WDHD1: variants seen among roughly 807,000 people sequenced by gnomAD.
WDHD1 encodes WD repeat and HMG-box DNA-binding protein 1.
Under a neutral mutation model 135.4 loss-of-function variants are expected in WDHD1, and 111 were observed. That is an observed-to-expected ratio of 0.82 (90% CI 0.70 to 0.96). The LOEUF is 0.96. WDHD1 is among the 40% of genes least tolerant of loss of function. The probability of loss-of-function intolerance (pLI) is 0.00; values close to 1 mark genes in which losing one functional copy is unlikely to be tolerated. For synonymous variants in WDHD1, 434 were observed against 439.0 expected, an observed-to-expected ratio of 0.99 and a Z score of 0.14; for missense variants, 1,351 against 1,336.3, an observed-to-expected ratio of 1.01 and a Z score of -0.17.
intron 16 of WDHD1, among the ~76,000 whole-genome samples, chr14:54,976,526 G>T (rs1279128534): frequency 6.6e-6 from 1 of 152,144 alleles, no homozygotes; most frequent in African/African-American, 2.4e-5. Flanking sequence ...GCCAAAATAG[G>T]TAAGGCTCTT....
chr14:54,982,472 A>C (rs1199449403), intron 15 of WDHD1, among the ~76,000 whole-genome samples: 1 of 152,126 alleles, frequency 6.6e-6, no homozygotes, highest in Admixed American at 6.5e-5. Flanking sequence ...TGGCCTTGTC[A>C]CTACTCTGTC....
Position 54,990,146 on chromosome 14 carries a change from A to G in WDHD1, c.1342-934T>C, listed in dbSNP as rs573579519. Reference sequence around the variant, plus strand: ...TATGACTTGATGACTACTGATAGCAATAAAAAGTTTTATTAATATTAATCA... The same window carrying G: ...TATGACTTGATGACTACTGATAGCAGTAAAAAGTTTTATTAATATTAATCA... On this transcript the variant is annotated intron_variant, in intron 12 of 25. Coordinates refer to ENST00000360586, the MANE Select transcript of WDHD1 (RefSeq NM_007086.4). Among the ~76,000 whole-genome samples the G allele has an allele frequency of 3.3e-4, 50 of 152,328 alleles. 1 individual carries two copies. Among genetic ancestry groups the G allele is most frequent in the Non-Finnish European group, 5.1e-4 (35 of 68,030 alleles).
At position 54,962,872 on chromosome 14, in the gene WDHD1, A is replaced by G. The variant is rs770144968; in HGVS notation, c.2532-19T>C. 1 of 1,611,176 alleles carries G rather than the reference A, an allele frequency of 6.2e-7. No homozygotes were observed. Among genetic ancestry groups the G allele is most frequent in the Non-Finnish European group, 8.5e-7 (1 of 1,179,528 alleles). ...GCTGTAACTAAGAGAAAATAATATT[A>G]TTCAATAAAGAGCTATGCAAAGACC... is the stretch of plus-strand genomic sequence containing the variant. On this transcript the variant is annotated intron_variant, in intron 19 of 25. Transcript: ENST00000360586.
At chr14:54,953,460 T>C (rs147297724) in intron 24 of WDHD1, among the ~76,000 whole-genome samples, 5,693 of 152,132 alleles carry the variant, frequency 0.037, 363 homozygotes, top group African/African-American at 0.13. Flanking sequence ...ATCATTAAAA[T>C]GTCAGGAAAC....
chr14:55,021,272 T>C (rs2042342731), intron 2 of WDHD1, among the ~76,000 whole-genome samples: 1 of 152,234 alleles, frequency 6.6e-6, no homozygotes, highest in African/African-American at 2.4e-5. Flanking sequence ...TTCTGCCAGA[T>C]TGCCTAAAGT....
chr14:54,942,439 G>A (rs1483332152), intron 25 of WDHD1, among the ~76,000 whole-genome samples: 1 of 151,994 alleles, frequency 6.6e-6, no homozygotes, highest in Non-Finnish European at 1.5e-5. Flanking sequence ...AACTGACATT[G>A]AAACAATCCC....
chr14:55,026,944 A>G, intron 1 of WDHD1, 84 bp downstream of exon 1: 1 of 727,070 alleles, frequency 1.4e-6, no homozygotes, highest in Non-Finnish European at 2.4e-6. Context: ...CCAGCGGGAT[A>G]AGGCAGAGGG....
intron 15 of WDHD1, among the ~76,000 whole-genome samples, chr14:54,984,006 C>T (rs2041658785): frequency 6.6e-6 from 1 of 152,098 alleles, no homozygotes; most frequent in South Asian, 2.1e-4. Context: ...ACATCTCAGC[C>T]ATATTTCAAG....
chr14:54,971,513 A>G (rs901219993), intron 16 of WDHD1, among the ~76,000 whole-genome samples: 6 of 152,182 alleles, frequency 3.9e-5, no homozygotes, highest in Non-Finnish European at 8.8e-5. Flanking sequence ...TACCTAGGAT[A>G]TATCTAACCA....
chr14:54,939,415 T>G lies in WDHD1; in HGVS notation c.*2075A>C, dbSNP rs1250462704. The G allele has an allele frequency of 6.6e-6, 1 of 152,166 alleles. No individual in the cohort carries two copies. The highest frequency in any genetic ancestry group is 2.4e-5 in the African/African-American group (1 of 41,438). The allele number at this position is 152,166 out of a possible 1,614,324, so 9.4% of individuals were successfully genotyped here. A position where few individuals can be genotyped will look rare whatever the true frequency, so the allele number is the denominator to read the frequency against. ...ATTCACTTGTTCTCCAAAATAAATCTGTAAAGTAACCTCCTGTGAGGAGTT... is the reference window on the plus strand; with the variant it reads ...ATTCACTTGTTCTCCAAAATAAATCGGTAAAGTAACCTCCTGTGAGGAGTT... On this transcript the variant is annotated 3_prime_UTR_variant, in exon 26 of 26. Coordinates refer to ENST00000360586, the MANE Select transcript of WDHD1 (RefSeq NM_007086.4).
In WDHD1 at chr14:54,984,715, T is replaced by C. The variant is rs1198428658; in HGVS notation, c.1906+8A>G. 1 of 1,592,704 alleles carries C rather than the reference T, an allele frequency of 6.3e-7. No individual in the cohort carries two copies. The highest frequency in any genetic ancestry group is 8.5e-7 in the Non-Finnish European group (1 of 1,174,470). On this transcript the variant is annotated splice_region_variant and intron_variant, in intron 15 of 25. Transcript: ENST00000360586. ...TATACTTGTTTTTTTTAAACAAATT[T>C]ATCTTGCCTTCAGCTGAAAACCCAA...
intron 3 of WDHD1, among the ~76,000 whole-genome samples, chr14:55,011,233 A>G (rs991633377): frequency 6.6e-6 from 1 of 152,182 alleles, no homozygotes; most frequent in Non-Finnish European, 1.5e-5. Flanking sequence ...AAAAATGACA[A>G]TATGAAAGTA....
chr14:55,019,426 C>T (rs1273771064), intron 2 of WDHD1, among the ~76,000 whole-genome samples: 1 of 152,076 alleles, frequency 6.6e-6, no homozygotes, highest in African/African-American at 2.4e-5. Context: ...TATTTTGAAG[C>T]CTATATTGTA....
chr14:55,025,521 C>G (rs1165703646), intron 2 of WDHD1, among the ~76,000 whole-genome samples: 1 of 152,250 alleles, frequency 6.6e-6, no homozygotes, highest in Non-Finnish European at 1.5e-5. Context: ...ATACAGGTAT[C>G]TTCTAACAGT....
chr14:54,945,961 A>G (rs575726905), intron 24 of WDHD1, among the ~76,000 whole-genome samples: 19 of 152,250 alleles, frequency 1.2e-4, no homozygotes, highest in Non-Finnish European at 2.4e-4. Context: ...AATTACTAGT[A>G]TGACCATAAC....
At chr14:54,988,892 G>T in intron 13 of WDHD1, 136 bp downstream of exon 13, 1 of 692,900 alleles carries the variant, frequency 1.4e-6, no homozygotes, top group Non-Finnish European at 2.3e-6. Context: ...GGGTGTGCTG[G>T]TGTTTGTACC....
intron 2 of WDHD1, among the ~76,000 whole-genome samples, chr14:55,014,626 C>G (rs896718595): frequency 2.6e-5 from 4 of 151,990 alleles, no homozygotes; most frequent in Non-Finnish European, 5.9e-5. Flanking sequence ...AACTTATCTT[C>G]CAAATGCTTT....
chr14:54,952,383 C>A (rs1305142575), intron 24 of WDHD1, among the ~76,000 whole-genome samples: 2 of 152,106 alleles, frequency 1.3e-5, no homozygotes, highest in East Asian at 3.8e-4. Context: ...GAGTGAACTC[C>A]CATTCACAAT....
rs144685967 is a variant in WDHD1 at position 54,952,780 on chromosome 14, C to G, written c.3050+2781G>C. Among the ~76,000 whole-genome samples the G allele has an allele frequency of 6.5e-3, 985 of 152,192 alleles. 18 individuals are homozygous for G. The highest frequency in any genetic ancestry group is 0.044 in the South Asian group (211 of 4,812). On this transcript the variant is annotated intron_variant, in intron 24 of 25. Coordinates refer to ENST00000360586, the MANE Select transcript of WDHD1 (RefSeq NM_007086.4). ...CAGTACTGGTACCAAAACAGAGATACAGACCAATGGAACAGAACAGAGCCC... is the reference window on the plus strand; with the variant it reads ...CAGTACTGGTACCAAAACAGAGATAGAGACCAATGGAACAGAACAGAGCCC...
Sources: allele counts gnomAD v4.1 joint callset (sites outside exome capture counted in the v4.1 genomes callset), GRCh38; gene constraint gnomAD v4.1.1; transcripts MANE v1.5; gene names NCBI Gene and HGNC (gene_info 2026-07-23, HGNC 2026-07-21).